The following ADAM12 variants were observed in gnomAD, a reference collection of about 807,000 sequenced individuals.
ADAM12 encodes the protein ADAM metallopeptidase domain 12.
In ADAM12, 70 loss-of-function variants were observed where a neutral mutation model predicts 106.4. That is an observed-to-expected ratio of 0.66 (90% CI 0.54 to 0.80). The LOEUF (loss-of-function observed/expected upper bound fraction) is 0.80, where lower values mean the gene tolerates loss of function less well. ADAM12 is among the 30% of genes least tolerant of loss of function. The pLI, the probability that ADAM12 is intolerant of heterozygous loss-of-function variation, is 0.00. For missense variants in ADAM12, 1,010 were observed against 1,171.9 expected, an observed-to-expected ratio of 0.86 and a Z score of 2.02; for synonymous variants, 420 against 433.5, an observed-to-expected ratio of 0.97 and a Z score of 0.39.
In ADAM12 at chr10:126,049,694, T is replaced by G; in HGVS notation, c.1610-25A>C. On this transcript the variant is annotated intron_variant, in intron 14 of 22. Transcript: ENST00000448723. This position sits in a 1 kb window ranked among gnomAD's most constrained non-coding sequence, Gnocchi z 4.4. ...CCTGAAACAGAAGCAGAACTGCATT[T>G]TCATCTCCTGCAGGTGATTTTTTTT... The G allele has an allele frequency of 1.3e-6, 2 of 1,598,092 alleles. No individual in the cohort carries two copies. The highest frequency in any genetic ancestry group is 1.7e-6 in the Non-Finnish European group (2 of 1,171,974).
chr10:126,246,724 G>A (rs1340041762), intron 3 of ADAM12, among the ~76,000 whole-genome samples: 2 of 152,124 alleles, frequency 1.3e-5, no homozygotes, highest in African/African-American at 4.8e-5. Flanking sequence ...AGGTATTGAA[G>A]GAACACACCT....
intron 2 of ADAM12, among the ~76,000 whole-genome samples, chr10:126,299,307 C>A (rs1431964251): frequency 6.6e-6 from 1 of 152,220 alleles, no homozygotes; most frequent in Non-Finnish European, 1.5e-5. Flanking sequence ...GGGATTTAGC[C>A]CAGATTTCTT....
intron 2 of ADAM12, among the ~76,000 whole-genome samples, chr10:126,293,369 A>G (rs1156623282): frequency 1.3e-5 from 2 of 151,902 alleles, no homozygotes; most frequent in East Asian, 3.9e-4. Context: ...GGCAAAGCTT[A>G]CCTGTCATCT....
intron 3 of ADAM12, among the ~76,000 whole-genome samples, chr10:126,193,836 G>A (rs1167258363): frequency 1.3e-5 from 2 of 152,052 alleles, no homozygotes; most frequent in African/African-American, 4.8e-5. Context: ...GGCAGAAGTT[G>A]TAGTGAGCTC....
At chr10:126,022,541 G>A (rs1309727311) in intron 21 of ADAM12, among the ~76,000 whole-genome samples, 1 of 152,240 alleles carries the variant, frequency 6.6e-6, no homozygotes, top group Non-Finnish European at 1.5e-5. Context: ...GCATGGAGGT[G>A]TGGAACCCAT....
chr10:126,111,587 C>A (rs1406989432), intron 6 of ADAM12, among the ~76,000 whole-genome samples: 1 of 152,204 alleles, frequency 6.6e-6, no homozygotes, highest in Admixed American at 6.5e-5. Flanking sequence ...TTACACTTTT[C>A]AGCCTGCAGA....
chr10:126,132,526 C>CG (rs199547667), intron 5 of ADAM12, among the ~76,000 whole-genome samples: 12 of 42,258 alleles, frequency 2.8e-4, no homozygotes, highest in East Asian at 1.8e-3. Context: ...GCATGAACAC[C>CG]CCCCCCCCCT....
chr10:126,108,952 C>A (rs1287257226), intron 7 of ADAM12, among the ~76,000 whole-genome samples: 1 of 152,202 alleles, frequency 6.6e-6, no homozygotes, highest in Non-Finnish European at 1.5e-5. Flanking sequence ...AGGAAACAGA[C>A]AACTAGAAGT....
chr10:126,295,438 A>C (rs568983096), intron 2 of ADAM12, among the ~76,000 whole-genome samples: 3 of 152,290 alleles, frequency 2.0e-5, no homozygotes, highest in Admixed American at 1.3e-4. Context: ...TTGTCTAAGA[A>C]TATATTTCCG....
At chr10:126,183,692 A>T (rs1957353787) in intron 3 of ADAM12, among the ~76,000 whole-genome samples, 2 of 152,226 alleles carry the variant, frequency 1.3e-5, no homozygotes, top group Non-Finnish European at 2.9e-5. Context: ...TGAGTATGAC[A>T]GTAATAAAGA....
chr10:126,069,651 G>A (rs933257522), intron 12 of ADAM12, among the ~76,000 whole-genome samples: 1 of 152,226 alleles, frequency 6.6e-6, no homozygotes, highest in Non-Finnish European at 1.5e-5. Context: ...GATAATGATA[G>A]GGGTGGGGAT....
At chr10:126,247,778 G>T (rs1166523809) in intron 3 of ADAM12, among the ~76,000 whole-genome samples, 1 of 152,122 alleles carries the variant, frequency 6.6e-6, no homozygotes, top group Non-Finnish European at 1.5e-5. Context: ...CAGCATGGTG[G>T]CAACAAACAG....
intron 1 of ADAM12, among the ~76,000 whole-genome samples, chr10:126,333,814 T>C (rs1425058128): frequency 6.6e-6 from 1 of 152,224 alleles, no homozygotes; most frequent in African/African-American, 2.4e-5. Context: ...TTGGCAAATA[T>C]GTTTTCCTTG....
chr10:126,335,680 C>A (rs370947975), intron 1 of ADAM12, among the ~76,000 whole-genome samples: 1 of 151,884 alleles, frequency 6.6e-6, no homozygotes, highest in Non-Finnish European at 1.5e-5. Context: ...TTTAAAATAA[C>A]GTAAGTGAAG....
At chr10:126,344,313 G>T (rs1330866811) in intron 1 of ADAM12, among the ~76,000 whole-genome samples, 1 of 152,184 alleles carries the variant, frequency 6.6e-6, no homozygotes, top group Non-Finnish European at 1.5e-5. Flanking sequence ...TGTCAGGTTT[G>T]TCAAAGATCG....
intron 3 of ADAM12, among the ~76,000 whole-genome samples, chr10:126,243,049 C>G (rs1291140152): frequency 1.3e-5 from 2 of 152,234 alleles, no homozygotes; most frequent in Admixed American, 6.5e-5. Context: ...CATCCTTTTT[C>G]TTTTTCCCTC....
intron 11 of ADAM12, among the ~76,000 whole-genome samples, chr10:126,088,892 A>C (rs1348661587): frequency 6.6e-6 from 1 of 152,170 alleles, no homozygotes; most frequent in African/African-American, 2.4e-5. Flanking sequence ...ATGGCAACAC[A>C]TTCTCCTTAA....
rs184460579 is a variant in ADAM12, at chr10:126,385,659, A to C, written c.88+2399T>G. The stretch of plus-strand genomic sequence containing the variant: ...CAAAGTCTTCTTAGTGCAAACATTG[A>C]ATTTTTTTTTAATGATGGCACTACT... On this transcript the variant is annotated intron_variant, in intron 1 of 22. Transcript: ENST00000448723. Among the ~76,000 whole-genome samples the C allele has an allele frequency of 3.5e-3, 532 of 152,230 alleles. 2 individuals carry two copies. The highest frequency in any genetic ancestry group is 5.1e-3 in the Non-Finnish European group (345 of 68,014).
intron 21 of ADAM12, among the ~76,000 whole-genome samples, chr10:126,029,700 C>G (rs185638185): frequency 1.3e-5 from 2 of 152,046 alleles, no homozygotes; most frequent in African/African-American, 4.8e-5. Context: ...ACATGTACCC[C>G]GATCTTAAAT....
Sources: allele counts gnomAD v4.1 joint callset (sites outside exome capture counted in the v4.1 genomes callset), GRCh38; gene constraint gnomAD v4.1.1; non-coding constraint Gnocchi (gnomAD v3.1); transcripts MANE v1.5; gene names NCBI Gene and HGNC (gene_info 2026-07-23, HGNC 2026-07-21).